Variants in TTC39B observed in about 807,000 individuals in gnomAD.
The protein encoded by TTC39B is tetratricopeptide repeat domain 39B.
Under a neutral mutation model 96.6 loss-of-function variants are expected in TTC39B, and 92 were observed. The observed-to-expected ratio is 0.95, with a 90% CI of 0.80 to 1.13. The LOEUF (loss-of-function observed/expected upper bound fraction) is 1.13, where lower values mean the gene tolerates loss of function less well. Among genes scored for constraint, TTC39B ranks in the 50% most tolerant of loss-of-function variants. The pLI, the probability that TTC39B is intolerant of heterozygous loss-of-function variation, is 0.00. For synonymous variants in TTC39B, 367 were observed against 299.4 expected, an observed-to-expected ratio of 1.23 and a Z score of -2.33; for missense variants, 955 against 809.3, an observed-to-expected ratio of 1.18 and a Z score of -2.18.
intron 3 of TTC39B, among the ~76,000 whole-genome samples, chr9:15,222,042 C>T (rs4741479): frequency 0.34 from 51,021 of 152,026 alleles, 9,681 homozygotes; most frequent in African/African-American, 0.53. Context: ...GAAAGAGTAA[C>T]GTAAGTACAG....
intron 1 of TTC39B, among the ~76,000 whole-genome samples, chr9:15,303,433 T>G (rs1044487099): frequency 6.6e-6 from 1 of 151,108 alleles, no homozygotes; most frequent in Non-Finnish European, 1.5e-5. Flanking sequence ...TGCAGTGGCA[T>G]GATCAGAGTT....
chr9:15,198,002 C>A (rs987077553), intron 8 of TTC39B, among the ~76,000 whole-genome samples: 1 of 151,958 alleles, frequency 6.6e-6, no homozygotes, highest in Non-Finnish European at 1.5e-5. Context: ...GTTCTTTAGT[C>A]TGAAAGTAAA....
chr9:15,196,504 G>A (rs1819178996), intron 8 of TTC39B, among the ~76,000 whole-genome samples: 1 of 152,196 alleles, frequency 6.6e-6, no homozygotes, highest in African/African-American at 2.4e-5. Flanking sequence ...AGACTTCAGT[G>A]GAGAAAGTAA....
chr9:15,279,766 G>A (rs1392321340), intron 1 of TTC39B, among the ~76,000 whole-genome samples: 1 of 152,044 alleles, frequency 6.6e-6, no homozygotes, highest in African/African-American at 2.4e-5. Context: ...CCTTCTCTGT[G>A]GCTGACATGT....
intron 1 of TTC39B, among the ~76,000 whole-genome samples, chr9:15,277,756 C>A (rs754325496): frequency 6.6e-6 from 1 of 152,210 alleles, no homozygotes; most frequent in Non-Finnish European, 1.5e-5. Flanking sequence ...TCGCCCATCA[C>A]AAATTCTAAA....
rs759548750 is a variant in TTC39B, at chr9:15,188,078, GA to G, written c.1287del (p.His430ThrfsTer8). On this transcript the variant is annotated frameshift_variant, in exon 14 of 20. Transcript: ENST00000512701. LOFTEE classifies it high-confidence loss of function. ...ATTAGCTCCCAGTAGCAGAGATGGT[GA>G]AACTGTTTCCATTCTTCTTGAACTG... The G allele has an allele frequency of 1.9e-6, 3 of 1,610,318 alleles. No homozygotes were observed. The highest frequency in any genetic ancestry group is 2.5e-6 in the Non-Finnish European group (3 of 1,178,534).
At chr9:15,167,017 TATA>T (rs1373565593) in exon 20 of TTC39B, 3 of 8,964 alleles carry the variant, frequency 3.3e-4, no homozygotes, top group African/African-American at 5.4e-4. Context: ...TATATATATA[TATA>T]TATATATATT....
At position 15,199,280 on chromosome 9, in the gene TTC39B, C is replaced by G. The variant is rs112761055; in HGVS notation, c.824+581G>C. Among the ~76,000 whole-genome samples the G allele has an allele frequency of 1.5e-3, 232 of 152,202 alleles. 1 individual carries two copies. Among genetic ancestry groups the G allele is most frequent in the African/African-American group, 5.2e-3 (215 of 41,516 alleles). ...TATAATTTTAAATTTATAAACTGTT[C>G]TAAGGAGAGAGAAAACTAAAATTAT... On this transcript the variant is annotated intron_variant, in intron 8 of 19. Transcript: ENST00000512701.
chr9:15,269,243 A>G (rs913804770), intron 1 of TTC39B, among the ~76,000 whole-genome samples: 1 of 152,200 alleles, frequency 6.6e-6, no homozygotes, highest in African/African-American at 2.4e-5. Flanking sequence ...ACTTATCATA[A>G]TCTCTAATGA....
intron 2 of TTC39B, among the ~76,000 whole-genome samples, chr9:15,252,260 A>AT (rs2131510350): frequency 6.6e-6 from 1 of 152,298 alleles, no homozygotes; most frequent in South Asian, 2.1e-4. Context: ...TTCCAACTAC[A>AT]TTTTTGTGGA....
At chr9:15,265,345 A>C (rs575079626) in intron 2 of TTC39B, among the ~76,000 whole-genome samples, 3 of 152,314 alleles carry the variant, frequency 2.0e-5, no homozygotes, top group African/African-American at 7.2e-5. Flanking sequence ...CTGGTCAGTG[A>C]GACCCGTCCT....
chr9:15,204,737 T>C (rs1819748712), intron 6 of TTC39B, among the ~76,000 whole-genome samples: 1 of 152,108 alleles, frequency 6.6e-6, no homozygotes, highest in South Asian at 2.1e-4. Context: ...TCCTCACACA[T>C]GAAGACCTGA....
intron 2 of TTC39B, among the ~76,000 whole-genome samples, chr9:15,235,930 C>T (rs112347975): frequency 0.021 from 2,188 of 103,536 alleles, 46 homozygotes; most frequent in African/African-American, 0.057. Context: ...AACTAGCTAA[C>T]AACACTATGA....
intron 1 of TTC39B, among the ~76,000 whole-genome samples, chr9:15,290,216 T>C (rs887059378): frequency 1.3e-5 from 2 of 152,216 alleles, no homozygotes; most frequent in Non-Finnish European, 2.9e-5. Context: ...GTGATGGCTA[T>C]GCAACTCTGT....
chr9:15,211,625 T>C (rs1433849282), intron 4 of TTC39B, among the ~76,000 whole-genome samples: 2 of 152,148 alleles, frequency 1.3e-5, no homozygotes, highest in Non-Finnish European at 2.9e-5. Flanking sequence ...AAGGGGACAA[T>C]ATGCATTTCC....
At chr9:15,200,699 T>C (rs1483824204) in intron 7 of TTC39B, among the ~76,000 whole-genome samples, 1 of 152,220 alleles carries the variant, frequency 6.6e-6, no homozygotes, top group African/African-American at 2.4e-5. Context: ...TCTAGTCTAT[T>C]GATATCAGAA....
At chr9:15,271,955 GC>G (rs1823370391) in intron 1 of TTC39B, among the ~76,000 whole-genome samples, 1 of 152,176 alleles carries the variant, frequency 6.6e-6, no homozygotes, top group Admixed American at 6.5e-5. Context: ...CTGGGTACCA[GC>G]AAATACAGTT....
chr9:15,200,040 T>C (rs1317376911), intron 7 of TTC39B, 115 bp from the exon 8 acceptor site: 1 of 560,950 alleles, frequency 1.8e-6, no homozygotes, highest in Non-Finnish European at 3.0e-6. Flanking sequence ...AAAAAAGTAT[T>C]TTGAGGACAT....
At chr9:15,175,396 A>G (rs145569703) in intron 18 of TTC39B, among the ~76,000 whole-genome samples, 2 of 152,176 alleles carry the variant, frequency 1.3e-5, no homozygotes, top group Admixed American at 1.3e-4. Flanking sequence ...GCGCATACGG[A>G]TCTTTAAAGA....
Sources: gnomAD v4.1 joint callset for allele counts (sites outside exome capture counted in the v4.1 genomes callset) on GRCh38, gnomAD v4.1.1 for gene constraint, MANE v1.5 for transcripts, NCBI Gene and HGNC (gene_info 2026-07-23, HGNC 2026-07-21) for gene names.